The following DMD variants were observed in gnomAD, a reference collection of about 807,000 sequenced individuals.
The protein encoded by DMD is mutant dystrophin.
Under a neutral mutation model 330.1 loss-of-function variants are expected in DMD, and 63 were observed. The ratio of observed to expected loss-of-function variants is 0.19; its 90% CI spans 0.16 to 0.24. DMD has a LOEUF of 0.24. DMD is among the 10% of genes least tolerant of loss of function. The probability of loss-of-function intolerance (pLI) is 1.00; values close to 1 mark genes in which losing one functional copy is unlikely to be tolerated. For synonymous variants in DMD, 1,223 were observed against 959.8 expected (o/e 1.27, Z -5.07); for missense variants, 3,344 against 2,684.1 (o/e 1.25, Z -5.43).
intron 21 of DMD, among the ~76,000 whole-genome samples, chrX:32,483,750 T>G (rs1281275612): frequency 2.1e-5 from 2 of 95,772 alleles, no homozygotes; most frequent in Non-Finnish European, 4.0e-5. Context: ...TAGAGGGAGC[T>G]GATACTATTT....
intron 1 of DMD, among the ~76,000 whole-genome samples, chrX:33,088,641 C>T (rs61583000): frequency 9.0e-6 from 1 of 110,712 alleles, no homozygotes; most frequent in Non-Finnish European, 1.9e-5. Context: ...GCCGACATCG[C>T]GCCACTGCAC....
intron 1 of DMD, among the ~76,000 whole-genome samples, chrX:33,092,277 G>A (rs936919624): frequency 6.3e-5 from 7 of 111,575 alleles, no homozygotes; most frequent in African/African-American, 2.3e-4. Flanking sequence ...TAAAAGTTGT[G>A]CTTTATAATA....
intron 28 of DMD, among the ~76,000 whole-genome samples, chrX:32,438,879 A>G (rs1336837907): frequency 8.9e-6 from 1 of 111,810 alleles, no homozygotes; most frequent in Non-Finnish European, 1.9e-5. Flanking sequence ...AAGAGAGAGC[A>G]GAGAGTGCCT....
chrX:31,344,889 G>T (rs1018342350), intron 61 of DMD, among the ~76,000 whole-genome samples: 1 of 110,604 alleles, frequency 9.0e-6, no homozygotes, highest in Non-Finnish European at 1.9e-5. Flanking sequence ...GCAACCACAA[G>T]AGAAATACAG....
At chrX:31,580,444 C>T (rs1220966776) in intron 55 of DMD, among the ~76,000 whole-genome samples, 1 of 111,500 alleles carries the variant, frequency 9.0e-6, no homozygotes, top group Non-Finnish European at 1.9e-5. Flanking sequence ...GACACTTAAG[C>T]TCTCAGCTAC....
At chrX:31,407,828 T>C (rs1222197811) in intron 60 of DMD, among the ~76,000 whole-genome samples, 1 of 110,880 alleles carries the variant, frequency 9.0e-6, no homozygotes, top group Non-Finnish European at 1.9e-5. Context: ...AAATCATCCA[T>C]AGTATAATTT....
chrX:32,103,336 G>T (rs2096548846), intron 44 of DMD, among the ~76,000 whole-genome samples: 1 of 111,925 alleles, frequency 8.9e-6, no homozygotes, highest in Admixed American at 9.5e-5. Context: ...AAAGTAGAAA[G>T]AAATATTAAA....
intron 6 of DMD, among the ~76,000 whole-genome samples, chrX:32,815,380 T>C (rs2077652676): frequency 9.4e-6 from 1 of 106,151 alleles, no homozygotes; most frequent in African/African-American, 3.5e-5. Flanking sequence ...CAGTGACATT[T>C]TAAACAGTTA....
intron 42 of DMD, among the ~76,000 whole-genome samples, chrX:32,304,498 C>T (rs1360966774): frequency 9.0e-6 from 1 of 110,646 alleles, no homozygotes; most frequent in Admixed American, 9.7e-5. Flanking sequence ...GAAAACTGTA[C>T]CGAAGCACAT....
chrX:32,218,785 A>G (rs970649186), intron 43 of DMD, among the ~76,000 whole-genome samples: 9 of 111,814 alleles, frequency 8.0e-5, no homozygotes, highest in Admixed American at 4.8e-4. Context: ...AAAGGTGAAA[A>G]TGGTATTAAA....
chrX:32,276,786 T>A (rs2097390457), intron 43 of DMD, among the ~76,000 whole-genome samples: 1 of 110,081 alleles, frequency 9.1e-6, no homozygotes, highest in Non-Finnish European at 1.9e-5. Context: ...CACGCGTGAT[T>A]GTGGGTGACT....
Position 32,860,918 on chromosome X carries a change from G to A in DMD, c.94-11098C>T, listed in dbSNP as rs751746589. Among the ~76,000 whole-genome samples the A allele has an allele frequency of 4.5e-5, 5 of 111,629 alleles. No homozygotes were observed. The East Asian group carries it at 1.4e-3, about 31-fold the overall frequency. ...ATTTTGAGTTAGAATACTAGTGACT[G>A]AAATACATTAGATTTATGCAGAGGG... On this transcript the variant is annotated intron_variant, in intron 2 of 78. Transcript: ENST00000357033.
intron 44 of DMD, among the ~76,000 whole-genome samples, chrX:32,183,803 G>A (rs1180179112): frequency 9.1e-6 from 1 of 109,312 alleles, no homozygotes. Flanking sequence ...AACTGAGTGT[G>A]CATGAATGTT....
intron 23 of DMD, among the ~76,000 whole-genome samples, chrX:32,466,414 C>A (rs917051616): frequency 3.6e-5 from 4 of 111,355 alleles, no homozygotes; most frequent in African/African-American, 1.3e-4. Flanking sequence ...ACTGTGACAA[C>A]CTTTCCCATA....
intron 67 of DMD, among the ~76,000 whole-genome samples, chrX:31,202,522 C>T (rs1310090612): frequency 6.1e-5 from 5 of 81,769 alleles, no homozygotes; most frequent in Admixed American, 6.0e-4. Flanking sequence ...TGTGTGCATC[C>T]GGTAAATCTA....
intron 76 of DMD, among the ~76,000 whole-genome samples, chrX:31,142,391 G>T (rs7064263): frequency 0.085 from 9,435 of 111,078 alleles, 819 homozygotes; most frequent in African/African-American, 0.27. Flanking sequence ...AACATATACA[G>T]TATATAAAAA....
intron 9 of DMD, among the ~76,000 whole-genome samples, chrX:32,678,687 G>C (rs978827160): frequency 9.0e-6 from 1 of 111,439 alleles, no homozygotes; most frequent in Admixed American, 9.6e-5. Flanking sequence ...CTCACAGTCA[G>C]AGTTATATTA....
intron 42 of DMD, among the ~76,000 whole-genome samples, chrX:32,292,543 G>T (rs982370273): frequency 9.2e-6 from 1 of 109,248 alleles, no homozygotes; most frequent in Non-Finnish European, 1.9e-5. Context: ...TCCTGACCTC[G>T]TGATCCACCC....
In DMD at chrX:32,373,238, T is replaced by C. The variant is rs181326358; in HGVS notation, c.4845+7272A>G. On this transcript the variant is annotated intron_variant, in intron 34 of 78. Coordinates refer to ENST00000357033, the MANE Select transcript of DMD (RefSeq NM_004006.3). ...GGAAGAAAACTTAGATGAATCATTC[T>C]ATTTAGGAAAGACCAATTCTACAAC... Among the ~76,000 whole-genome samples the C allele has an allele frequency of 2.3e-3, 254 of 108,422 alleles. 3 individuals are homozygous for C. The highest frequency in any genetic ancestry group is 7.8e-3 in the African/African-American group (237 of 30,354). 94.2% of individuals were successfully genotyped at this position (108,422 alleles called of 115,157 possible).
Sources: allele counts gnomAD v4.1 joint callset (sites outside exome capture counted in the v4.1 genomes callset), GRCh38; gene constraint gnomAD v4.1.1; transcripts MANE v1.5; gene names NCBI Gene and HGNC (gene_info 2026-07-23, HGNC 2026-07-21).